Variants in ADAMTSL1 observed in about 807,000 individuals in gnomAD.
ADAMTSL1 encodes the protein ADAMTS like 1.
Under a neutral mutation model 201.8 loss-of-function variants are expected in ADAMTSL1, and 126 were observed. The observed-to-expected ratio is 0.62, with a 90% CI of 0.54 to 0.72. The LOEUF (loss-of-function observed/expected upper bound fraction) is 0.72, where lower values mean the gene tolerates loss of function less well. Among genes scored for constraint, ADAMTSL1 ranks in the 30% least tolerant of loss-of-function variants. ADAMTSL1 has a pLI of 0.00. For synonymous variants in ADAMTSL1, 1,121 were observed against 903.4 expected (o/e 1.24, Z -4.32); for missense variants, 2,679 against 2,277.8 (o/e 1.18, Z -3.59).
chr9:18,756,216 T>G (rs980153869), intron 16 of ADAMTSL1, among the ~76,000 whole-genome samples: 13 of 129,340 alleles, frequency 1.0e-4, no homozygotes, highest in African/African-American at 3.8e-4. Context: ...GAGGCAGAGG[T>G]TGCAGTGAGC....
intron 2 of ADAMTSL1, among the ~76,000 whole-genome samples, chr9:18,259,630 C>G (rs1030286611): frequency 6.6e-6 from 1 of 152,272 alleles, no homozygotes; most frequent in Admixed American, 6.5e-5. Flanking sequence ...CCTCTCCCCC[C>G]ATCACACCTC....
chr9:17,979,063 A>G (rs1818576778), intron 1 of ADAMTSL1, among the ~76,000 whole-genome samples: 1 of 151,422 alleles, frequency 6.6e-6, no homozygotes, highest in African/African-American at 2.4e-5. Context: ...GGTGGTGTCT[A>G]TGCGTGTGAC....
chr9:18,024,822 A>C (rs1820626342), intron 1 of ADAMTSL1, among the ~76,000 whole-genome samples: 1 of 152,082 alleles, frequency 6.6e-6, no homozygotes, highest in African/African-American at 2.4e-5. Flanking sequence ...TTCTATTTTT[A>C]GTTCTTTGAG....
chr9:18,552,848 A>G (rs1820868812), intron 3 of ADAMTSL1, among the ~76,000 whole-genome samples: 1 of 151,542 alleles, frequency 6.6e-6, no homozygotes, highest in Non-Finnish European at 1.5e-5. Context: ...CTTTCATTTG[A>G]TTAGATCTGT....
chr9:17,964,498 C>A (rs1203765073), intron 1 of ADAMTSL1, among the ~76,000 whole-genome samples: 1 of 152,092 alleles, frequency 6.6e-6, no homozygotes, highest in East Asian at 1.9e-4. Context: ...TGCGTGGTGA[C>A]AAAACTCTTC....
chr9:18,173,277 A>G (rs1827986134), intron 2 of ADAMTSL1, among the ~76,000 whole-genome samples: 1 of 152,136 alleles, frequency 6.6e-6, no homozygotes, highest in Non-Finnish European at 1.5e-5. Context: ...TAAAGTGACA[A>G]CGCTCGGTGC....
chr9:18,696,944 A>T (rs935482317), intron 13 of ADAMTSL1, among the ~76,000 whole-genome samples: 2 of 150,690 alleles, frequency 1.3e-5, no homozygotes, highest in South Asian at 4.2e-4. Flanking sequence ...CAGTGGTGTG[A>T]TCTCAGCTCA....
intron 1 of ADAMTSL1, among the ~76,000 whole-genome samples, chr9:18,030,653 G>T (rs1163964669): frequency 2.0e-5 from 3 of 152,038 alleles, no homozygotes; most frequent in African/African-American, 4.8e-5. Flanking sequence ...GTATGTCACA[G>T]GACTTCTCTT....
intron 4 of ADAMTSL1, among the ~76,000 whole-genome samples, chr9:18,608,876 G>A (rs893133601): frequency 2.6e-5 from 4 of 151,816 alleles, no homozygotes; most frequent in African/African-American, 9.7e-5. Flanking sequence ...TAAAAAGATC[G>A]TAACTGATTT....
chr9:18,492,834 T>C (rs1044972261), intron 1 of ADAMTSL1, among the ~76,000 whole-genome samples: 6 of 152,198 alleles, frequency 3.9e-5, no homozygotes, highest in African/African-American at 1.4e-4. Flanking sequence ...TTGCCTAAAA[T>C]ACCACAGCAG....
chr9:18,410,541 C>T (rs1404181857), intron 2 of ADAMTSL1, among the ~76,000 whole-genome samples: 1 of 152,154 alleles, frequency 6.6e-6, no homozygotes, highest in Non-Finnish European at 1.5e-5. Flanking sequence ...CATGTCCCTG[C>T]AAAGGACATG....
chr9:18,103,315 CT>C (rs1408596807), intron 1 of ADAMTSL1, among the ~76,000 whole-genome samples: 1 of 152,018 alleles, frequency 6.6e-6, no homozygotes, highest in Non-Finnish European at 1.5e-5. Flanking sequence ...AAACATAGGA[CT>C]TTTTAAGTTT....
intron 1 of ADAMTSL1, among the ~76,000 whole-genome samples, chr9:17,965,095 A>C (rs1817928240): frequency 6.6e-6 from 1 of 152,174 alleles, no homozygotes; most frequent in African/African-American, 2.4e-5. Flanking sequence ...ACAATAACAT[A>C]TAATGGACAA....
chr9:18,029,778 C>T (rs7026129), intron 1 of ADAMTSL1, among the ~76,000 whole-genome samples: 5,148 of 152,220 alleles, frequency 0.034, 229 homozygotes, highest in African/African-American at 0.1. Context: ...ATGTATGTAG[C>T]CAAAAACACA....
intron 2 of ADAMTSL1, among the ~76,000 whole-genome samples, chr9:18,433,677 C>G (rs1367939872): frequency 6.6e-6 from 1 of 152,146 alleles, no homozygotes; most frequent in Non-Finnish European, 1.5e-5. Context: ...TCCCAGAGAT[C>G]TGAGCAGAAA....
chr9:18,273,382 C>G (rs935140584), intron 2 of ADAMTSL1, among the ~76,000 whole-genome samples: 2 of 152,154 alleles, frequency 1.3e-5, no homozygotes, highest in African/African-American at 2.4e-5. Context: ...CGCCCGGCCA[C>G]CTCACAGTCA....
At chr9:18,527,460 A>G (rs796239079) in intron 2 of ADAMTSL1, among the ~76,000 whole-genome samples, 10 of 152,332 alleles carry the variant, frequency 6.6e-5, no homozygotes, top group African/African-American at 2.2e-4. Flanking sequence ...AAAGTAAAGG[A>G]GCGATAAATC....
rs201034768 is a variant in ADAMTSL1, at chr9:18,775,810, G to T, written c.2465G>T (p.Gly822Val). Residue 822 changes from glycine (G) to valine (V), a missense_variant, in exon 18 of 29, where the codon GGC (glycine) becomes GTC (valine). Physicochemically the swap from Gly to Val is moderately radical, Grantham distance 109. Transcript: ENST00000380548. Reference sequence around the variant, plus strand: ...ATTTGCCGAAAGATGCTGAAAACCGGCCTCTCAACGGTTGTCAATTCCACC... The same window carrying T: ...ATTTGCCGAAAGATGCTGAAAACCGTCCTCTCAACGGTTGTCAATTCCACC... ...SAICRKMLKT[G>V]LSTVVNSTLC... 4.3e-6 allele frequency: 7 copies of T among 1,610,960 alleles called. No homozygotes were observed. Among genetic ancestry groups the T allele is most frequent in the Non-Finnish European group, 5.1e-6 (6 of 1,178,502 alleles).
chr9:18,255,262 C>G (rs1831638119), intron 2 of ADAMTSL1, among the ~76,000 whole-genome samples: 1 of 152,104 alleles, frequency 6.6e-6, no homozygotes, highest in Non-Finnish European at 1.5e-5. Flanking sequence ...CTAGGGGGCG[C>G]TGCCGCATTC....
Sources: gnomAD v4.1 joint callset for allele counts (sites outside exome capture counted in the v4.1 genomes callset) on GRCh38, gnomAD v4.1.1 for gene constraint, MANE v1.5 for transcripts, NCBI Gene and HGNC (gene_info 2026-07-23, HGNC 2026-07-21) for gene names.